AP3S1: variants seen among roughly 807,000 people sequenced by gnomAD.
AP3S1 encodes the protein AP-3 complex subunit sigma-1.
Under a neutral mutation model 21.3 loss-of-function variants are expected in AP3S1, and 12 were observed. The observed-to-expected ratio is 0.56, with a 90% confidence interval of 0.36 to 0.91. The LOEUF is 0.91. AP3S1 is among the 40% of genes least tolerant of loss of function. AP3S1 has a pLI of 0.01. For missense variants in AP3S1, 116 were observed against 225.0 expected (o/e 0.52, Z 3.10); for synonymous variants, 48 against 78.4 (o/e 0.61, Z 2.05).
At chr5:115,842,305 A>G (rs986400387) in intron 1 of AP3S1, among the ~76,000 whole-genome samples, 199 bp downstream of exon 1, 1 of 152,098 alleles carries the variant, frequency 6.6e-6, no homozygotes, top group African/African-American at 2.4e-5. Context: ...TCAGCCACCG[A>G]CGTGGCTTTG....
At chr5:115,848,625 A>G (rs778428406) in intron 1 of AP3S1, among the ~76,000 whole-genome samples, 9 of 152,202 alleles carry the variant, frequency 5.9e-5, no homozygotes, top group East Asian at 1.9e-4. Context: ...TCAAGAGTTC[A>G]TTCTTACCTT....
chr5:115,847,632 A>T (rs1045720880), intron 1 of AP3S1, among the ~76,000 whole-genome samples: 1 of 152,258 alleles, frequency 6.6e-6, no homozygotes, highest in African/African-American at 2.4e-5. Context: ...AATTTAAAAA[A>T]ATATATGTTT....
At chr5:115,890,701 T>G (rs1750222346) in intron 3 of AP3S1, among the ~76,000 whole-genome samples, 1 of 152,246 alleles carries the variant, frequency 6.6e-6, no homozygotes, top group Non-Finnish European at 1.5e-5. Flanking sequence ...ACTATGATTT[T>G]CTAAATAAGT....
chr5:115,874,071 C>T (rs923504655), intron 3 of AP3S1, among the ~76,000 whole-genome samples: 5 of 151,960 alleles, frequency 3.3e-5, no homozygotes, highest in South Asian at 2.1e-4. Flanking sequence ...GAATTTACAC[C>T]GCTATTCCAC....
intron 1 of AP3S1, among the ~76,000 whole-genome samples, chr5:115,855,344 T>C (rs1056132803): frequency 1.3e-5 from 2 of 151,856 alleles, no homozygotes; most frequent in Non-Finnish European, 2.9e-5. Flanking sequence ...TAGTCCTATT[T>C]TAATATTTTT....
intron 5 of AP3S1, among the ~76,000 whole-genome samples, chr5:115,908,285 A>G (rs1179449231): frequency 1.3e-5 from 2 of 152,124 alleles, no homozygotes; most frequent in African/African-American, 2.4e-5. Flanking sequence ...TATTACTGCT[A>G]TTTTCCAGCA....
At chr5:115,843,024 C>T (rs190210516) in intron 1 of AP3S1, among the ~76,000 whole-genome samples, 4 of 152,244 alleles carry the variant, frequency 2.6e-5, no homozygotes, top group South Asian at 2.1e-4. Context: ...TGGACAAGTG[C>T]AGGAGGCATT....
chr5:115,894,854 T>C (rs1244914623), intron 3 of AP3S1, among the ~76,000 whole-genome samples: 1 of 152,190 alleles, frequency 6.6e-6, no homozygotes, highest in Non-Finnish European at 1.5e-5. Flanking sequence ...TTTTAGTCCT[T>C]TTCAAAAAAA....
At chr5:115,866,411 T>G (rs1462185714) in intron 1 of AP3S1, among the ~76,000 whole-genome samples, 1 of 152,204 alleles carries the variant, frequency 6.6e-6, no homozygotes, top group Non-Finnish European at 1.5e-5. Flanking sequence ...CATCTAATAT[T>G]TTTTCTTGTT....
At chr5:115,847,221 C>T (rs760087395) in intron 1 of AP3S1, among the ~76,000 whole-genome samples, 9 of 151,982 alleles carry the variant, frequency 5.9e-5, no homozygotes, top group Middle Eastern at 3.2e-3. Flanking sequence ...AGAGTGAAAA[C>T]GGGAATAAAA....
At chr5:115,851,810 TTA>T (rs1561472845) in intron 1 of AP3S1, among the ~76,000 whole-genome samples, 1 of 152,138 alleles carries the variant, frequency 6.6e-6, no homozygotes, top group East Asian at 1.9e-4. Flanking sequence ...ACACAACTGT[TTA>T]ATGAGATTTA....
At chr5:115,859,982 A>G (rs1318253841) in intron 1 of AP3S1, among the ~76,000 whole-genome samples, 3 of 152,202 alleles carry the variant, frequency 2.0e-5, no homozygotes, top group Non-Finnish European at 4.4e-5. Flanking sequence ...TTATCGTTGT[A>G]CGGTTCTGTA....
chr5:115,852,548 A>G (rs1762512773), intron 1 of AP3S1, among the ~76,000 whole-genome samples: 1 of 152,168 alleles, frequency 6.6e-6, no homozygotes, highest in African/African-American at 2.4e-5. Flanking sequence ...TTGTGCAACC[A>G]TCGCCACAAT....
intron 3 of AP3S1, among the ~76,000 whole-genome samples, chr5:115,892,566 C>T (rs1375533895): frequency 6.6e-6 from 1 of 152,166 alleles, no homozygotes; most frequent in Non-Finnish European, 1.5e-5. Context: ...GAAAGACAAA[C>T]ATCATATGTT....
chr5:115,886,475 A>G (rs964307999), intron 3 of AP3S1, among the ~76,000 whole-genome samples: 1 of 152,180 alleles, frequency 6.6e-6, no homozygotes, highest in African/African-American at 2.4e-5. Context: ...CTAAATGAAG[A>G]GTAAATATAT....
At chr5:115,887,484 G>A (rs1294011778) in intron 3 of AP3S1, among the ~76,000 whole-genome samples, 2 of 151,496 alleles carry the variant, frequency 1.3e-5, no homozygotes, top group African/African-American at 2.4e-5. Context: ...CTCAAAAAGG[G>A]GTCTGCCAAA....
intron 1 of AP3S1, among the ~76,000 whole-genome samples, chr5:115,846,451 A>C (rs1046154860): frequency 3.9e-5 from 6 of 152,230 alleles, no homozygotes; most frequent in Non-Finnish European, 8.8e-5. Context: ...GAAAAATTTC[A>C]AATTAACCTA....
At chr5:115,852,211 A>G (rs1762487004) in intron 1 of AP3S1, among the ~76,000 whole-genome samples, 1 of 152,064 alleles carries the variant, frequency 6.6e-6, no homozygotes, top group South Asian at 2.1e-4. Flanking sequence ...CAAAAACCCC[A>G]GTGTTTAAAT....
At chr5:115,861,500 ATTTG>A (rs975268666) in intron 1 of AP3S1, among the ~76,000 whole-genome samples, 4 of 152,156 alleles carry the variant, frequency 2.6e-5, no homozygotes, top group Non-Finnish European at 5.9e-5. Context: ...TAAGTTTTTT[ATTTG>A]TTTAATTTCT....
Sources: gnomAD v4.1 joint callset for allele counts (sites outside exome capture counted in the v4.1 genomes callset) on GRCh38, gnomAD v4.1.1 for gene constraint, MANE v1.5 for transcripts, NCBI Gene and HGNC (gene_info 2026-07-23, HGNC 2026-07-21) for gene names.